XKR4: variants seen among roughly 807,000 people sequenced by gnomAD.
XKR4 encodes the protein XK-related protein 4.
In XKR4, 12 loss-of-function variants were observed where a neutral mutation model predicts 53.9. The observed-to-expected ratio is 0.22, with a 90% CI of 0.14 to 0.36. XKR4 has a LOEUF of 0.36. Among genes scored for constraint, XKR4 ranks in the 10% least tolerant of loss-of-function variants. XKR4 has a pLI of 1.00. For missense variants in XKR4, 799 were observed against 859.5 expected, an observed-to-expected ratio of 0.93 and a Z score of 0.88; for synonymous variants, 354 against 362.4, an observed-to-expected ratio of 0.98 and a Z score of 0.26.
intron 1 of XKR4, among the ~76,000 whole-genome samples, chr8:55,231,948 C>A (rs982358445): frequency 3.3e-5 from 5 of 152,170 alleles, no homozygotes; most frequent in Admixed American, 6.5e-5. Context: ...CACCTGAGGG[C>A]CAATTATCAT....
chr8:55,294,629 C>A (rs1046749181), intron 1 of XKR4, among the ~76,000 whole-genome samples: 1 of 152,334 alleles, frequency 6.6e-6, no homozygotes. Context: ...CACACAACAT[C>A]CTGATATGCT....
At position 55,481,872 on chromosome 8, in the gene XKR4, A is replaced by C. The variant is rs947165981; in HGVS notation, c.1007-41409A>C. Among the ~76,000 whole-genome samples, 5 of 152,200 alleles carry C rather than the reference A, an allele frequency of 3.3e-5. No homozygotes were observed. The East Asian group carries it at 7.7e-4, about 24-fold the overall frequency. ...TACCATCTCACACCAGTTAGAATGG[A>C]AATCATTAAAAAGTCAGGAAACAAC... On this transcript the variant is annotated intron_variant, in intron 2 of 2. Coordinates refer to ENST00000327381, the MANE Select transcript of XKR4 (RefSeq NM_052898.2).
chr8:55,126,970 G>A (rs1425215994), intron 1 of XKR4, among the ~76,000 whole-genome samples: 2 of 152,288 alleles, frequency 1.3e-5, no homozygotes, highest in East Asian at 3.9e-4. Context: ...CAGGTAAACA[G>A]GATGTGGTTT....
chr8:55,450,565 G>A (rs575085215), intron 2 of XKR4: 2 of 715,704 alleles, frequency 2.8e-6, no homozygotes, highest in African/African-American at 1.8e-5. Flanking sequence ...GGTGGTAGCC[G>A]AGGAACTTGA....
intron 2 of XKR4, among the ~76,000 whole-genome samples, chr8:55,436,715 A>G (rs1429579822): frequency 6.6e-6 from 1 of 152,204 alleles, no homozygotes; most frequent in Non-Finnish European, 1.5e-5. Flanking sequence ...GGCACCAGGC[A>G]CGGGATTCAG....
intron 1 of XKR4, among the ~76,000 whole-genome samples, chr8:55,186,244 A>C (rs1017485650): frequency 6.6e-6 from 1 of 152,204 alleles, no homozygotes; most frequent in Non-Finnish European, 1.5e-5. Flanking sequence ...TAGATTTAAA[A>C]GGTCTTCTCT....
intron 2 of XKR4, among the ~76,000 whole-genome samples, chr8:55,437,436 G>T (rs1563349608): frequency 6.6e-6 from 1 of 152,182 alleles, no homozygotes; most frequent in East Asian, 1.9e-4. Context: ...GACAGTCTAG[G>T]GATTCTGACC....
intron 2 of XKR4, chr8:55,454,814 C>A (rs114426096): frequency 2.6e-6 from 2 of 766,522 alleles, no homozygotes; most frequent in Non-Finnish European, 4.9e-6. Flanking sequence ...GCTCTGTGGG[C>A]GACAGGTGCG....
intron 2 of XKR4, chr8:55,454,766 C>CCAG (rs755539387): frequency 6.4e-6 from 5 of 780,504 alleles, no homozygotes; most frequent in Non-Finnish European, 1.2e-5. Flanking sequence ...GACACAGGTA[C>CCAG]CAGCGTCTTT....
At chr8:55,239,997 T>A (rs1818186890) in intron 1 of XKR4, among the ~76,000 whole-genome samples, 1 of 152,208 alleles carries the variant, frequency 6.6e-6, no homozygotes, top group African/African-American at 2.4e-5. Context: ...TGAGTGTGTA[T>A]ATCTACCTAT....
chr8:55,484,284 C>T (rs977776266), intron 2 of XKR4, among the ~76,000 whole-genome samples: 2 of 152,172 alleles, frequency 1.3e-5, no homozygotes, highest in Non-Finnish European at 2.9e-5. Flanking sequence ...ACACAATCAT[C>T]CAGAGCATAG....
At chr8:55,108,332 A>T (rs577679495) in intron 1 of XKR4, among the ~76,000 whole-genome samples, 1 of 152,300 alleles carries the variant, frequency 6.6e-6, no homozygotes, top group African/African-American at 2.4e-5. Flanking sequence ...TGAAGGCATG[A>T]AGGAGTCATG....
intron 2 of XKR4, among the ~76,000 whole-genome samples, chr8:55,372,013 C>T (rs1490922395): frequency 1.3e-5 from 2 of 152,164 alleles, no homozygotes; most frequent in African/African-American, 4.8e-5. Flanking sequence ...CTCTCCTTCC[C>T]TCTGAGGTGT....
At chr8:55,333,725 C>CA (rs1268672864) in intron 1 of XKR4, among the ~76,000 whole-genome samples, 19 of 152,124 alleles carry the variant, frequency 1.2e-4, no homozygotes, top group Admixed American at 2.0e-4. Flanking sequence ...GACACAGAGA[C>CA]CATTATCTGA....
At chr8:55,469,299 A>G (rs1193529322) in intron 2 of XKR4, among the ~76,000 whole-genome samples, 1 of 152,138 alleles carries the variant, frequency 6.6e-6, no homozygotes, top group Non-Finnish European at 1.5e-5. Context: ...ATTAAGAACA[A>G]TGGCAATGAA....
chr8:55,427,396 A>G (rs968513199), intron 2 of XKR4, among the ~76,000 whole-genome samples: 8 of 152,204 alleles, frequency 5.3e-5, no homozygotes, highest in African/African-American at 1.9e-4. Context: ...TTTTTAATAG[A>G]GACAAGGTCT....
Position 55,439,046 on chromosome 8 carries a change from C to T in XKR4, c.1006+81169C>T, listed in dbSNP as rs372127500. On this transcript the variant is annotated intron_variant, in intron 2 of 2. Coordinates refer to ENST00000327381, the MANE Select transcript of XKR4 (RefSeq NM_052898.2). Reference sequence around the variant, plus strand: ...GAAACAGTCTTGCATAGGGACCTTGCGTAATTCAGCCTAGACTCTGAGTAC... The same window carrying T: ...GAAACAGTCTTGCATAGGGACCTTGTGTAATTCAGCCTAGACTCTGAGTAC... 2.8e-4 allele frequency among the ~76,000 whole-genome samples: 42 copies of T among 152,170 alleles called. 1 individual carries two copies. The South Asian group carries it at 6.2e-3, about 23-fold the overall frequency.
Position 55,532,066 on chromosome 8 carries a change from C to T in XKR4, c.*7839C>T, listed in dbSNP as rs575052240. On this transcript the variant is annotated 3_prime_UTR_variant, in exon 3 of 3. Transcript: ENST00000327381. ...TAAAGATCACTATTAACTTGTATAA[C>T]TAATTTTCCTTATGTGAAATAATTC... The T allele has an allele frequency of 6.6e-6, 1 of 152,284 alleles. No homozygotes were observed. The highest frequency in any genetic ancestry group is 2.1e-4 in the South Asian group (1 of 4,822). The allele number at this position is 152,284 out of a possible 1,614,324, so 9.4% of individuals were successfully genotyped here. A position where few individuals can be genotyped will look rare whatever the true frequency, so the allele number is the denominator to read the frequency against.
intron 1 of XKR4, among the ~76,000 whole-genome samples, chr8:55,250,482 A>T (rs533171545): frequency 3.9e-5 from 6 of 152,262 alleles, no homozygotes; most frequent in Admixed American, 3.9e-4. Flanking sequence ...AGGGCTTCAT[A>T]AGAGGCTTTT....
Sources: allele counts gnomAD v4.1 joint callset (sites outside exome capture counted in the v4.1 genomes callset), GRCh38; gene constraint gnomAD v4.1.1; transcripts MANE v1.5; gene names NCBI Gene and HGNC (gene_info 2026-07-23, HGNC 2026-07-21).